Variants in SIX4 observed in about 807,000 individuals in gnomAD.
The protein encoded by SIX4 is homeobox protein SIX4.
A neutral mutation model predicts 51.5 loss-of-function variants in SIX4; 23 were observed. That is an observed-to-expected ratio of 0.45 (90% CI 0.32 to 0.63). SIX4 has a LOEUF of 0.63. Among genes scored for constraint, SIX4 ranks in the 30% least tolerant of loss-of-function variants. The probability of loss-of-function intolerance (pLI) is 0.04; values close to 1 mark genes in which losing one functional copy is unlikely to be tolerated. For missense variants in SIX4, 867 were observed against 984.0 expected (o/e 0.88, Z 1.59); for synonymous variants, 413 against 417.3 (o/e 0.99, Z 0.13).
chr14:60,714,908 C>T (rs926184514), intron 2 of SIX4, among the ~76,000 whole-genome samples: 1 of 151,304 alleles, frequency 6.6e-6, no homozygotes, highest in Non-Finnish European at 1.5e-5. Context: ...TTGTGATCCA[C>T]CCACCTCGGC....
In SIX4 at chr14:60,719,506, G is replaced by T. The variant is rs77242896; in HGVS notation, c.1549+254C>A. 8.4e-3 allele frequency among the ~76,000 whole-genome samples: 1,279 copies of T among 152,288 alleles called. 5 individuals are homozygous for T. Among genetic ancestry groups the T allele is most frequent in the Non-Finnish European group, 0.014 (920 of 68,024 alleles). ...TGTAATTGTAGAACTGGCAGGACTT[G>T]CTATGAACTGTATTTTTCCATTCAG... On this transcript the variant is annotated intron_variant, in intron 2 of 2. Coordinates refer to ENST00000216513, the MANE Select transcript of SIX4 (RefSeq NM_017420.5). The surrounding 1 kb of genome is among the most constrained non-coding windows in gnomAD (Gnocchi z 4.9).
Position 60,711,191 on chromosome 14 carries a change from G to GA in SIX4, c.*2215dup, listed in dbSNP as rs932094292. The GA allele has an allele frequency of 6.6e-6, 1 of 152,134 alleles. No individual in the cohort carries two copies. Among genetic ancestry groups the GA allele is most frequent in the African/African-American group, 2.4e-5 (1 of 41,340 alleles). The allele number at this position is 152,134 out of a possible 1,614,324, so 9.4% of individuals were successfully genotyped here. A position where few individuals can be genotyped will look rare whatever the true frequency, so the allele number is the denominator to read the frequency against. The stretch of plus-strand genomic sequence containing the variant: ...GTAACAGGATCAGCACACACCCAAA[G>GA]AAAAAACAAGCTCTATGAGTAGTAG... On this transcript the variant is annotated 3_prime_UTR_variant, in exon 3 of 3. Transcript: ENST00000216513.
rs1895941043 is a variant in SIX4, at chr14:60,717,629, C to A, written c.1549+2131G>T. The stretch of plus-strand genomic sequence containing the variant: ...TTTGATCTAAAATTTGATTTTTGAG[C>A]ATAACTACAACTGAAGTAAAAATTG... On this transcript the variant is annotated intron_variant, in intron 2 of 2. Transcript: ENST00000216513. This position sits in a 1 kb window ranked among gnomAD's most constrained non-coding sequence, Gnocchi z 4.6. Among the ~76,000 whole-genome samples, 1 of 151,314 alleles carries A rather than the reference C, an allele frequency of 6.6e-6. No individual in the cohort carries two copies. The highest frequency in any genetic ancestry group is 1.5e-5 in the Non-Finnish European group (1 of 67,458).
Position 60,723,652 on chromosome 14 carries a change from C to G in SIX4, c.423G>C (p.Leu141=). The G allele has an allele frequency of 5.0e-6, 8 of 1,594,132 alleles. No homozygotes were observed. Among genetic ancestry groups the G allele is most frequent in the Non-Finnish European group, 6.8e-6 (8 of 1,171,386 alleles). Reference sequence around the variant, plus strand: ...TCAGCAGGCTCTCGTTGCCACGTAGCAGGTCGCTCTGGGGCAGGGACCACA... The same window carrying G: ...TCAGCAGGCTCTCGTTGCCACGTAGGAGGTCGCTCTGGGGCAGGGACCACA... ...RFLWSLPQSD[L]LRGNESLLKA... The change falls in exon 1 of 3, where the codon CTG becomes CTC. Residue 141 remains leucine (L), a synonymous_variant. Transcript: ENST00000216513.
Position 60,719,898 on chromosome 14 carries a change from T to A in SIX4, c.1411A>T (p.Thr471Ser). The change falls in exon 2 of 3, where the codon ACT becomes TCT. Residue 471 changes from threonine (T) to serine (S), a missense_variant. Coordinates refer to ENST00000216513, the MANE Select transcript of SIX4 (RefSeq NM_017420.5). The surrounding 1 kb of genome is among the most constrained non-coding windows in gnomAD (Gnocchi z 4.9). ...VASQDGGSVV[T>S]FTTPVQINQY... ...TTAATTTGCACTGGTGTAGTAAAAG[T>A]CACTACAGACCCTCCATCTTGGGAA... 6.2e-7 allele frequency: 1 copy of A among 1,614,154 alleles called. No homozygotes were observed. The highest frequency in any genetic ancestry group is 8.5e-7 in the Non-Finnish European group (1 of 1,180,028).
In SIX4 at chr14:60,713,341, G is replaced by GT; in HGVS notation, c.*65dup. The GT allele has an allele frequency of 6.7e-7, 1 of 1,488,322 alleles. No homozygotes were observed. Among genetic ancestry groups the GT allele is most frequent in the Non-Finnish European group, 9.0e-7 (1 of 1,111,560 alleles). The allele number at this position is 1,488,322 out of a possible 1,614,324, so 92.2% of individuals were successfully genotyped here. ...TTTCCTTTAAATGGGAAAATGTTTT[G>GT]TGTCCTTGGGGCTTCATGAAAAGAT... is the stretch of plus-strand genomic sequence containing the variant. On this transcript the variant is annotated 3_prime_UTR_variant, in exon 3 of 3. Coordinates refer to ENST00000216513, the MANE Select transcript of SIX4 (RefSeq NM_017420.5).
In SIX4 at chr14:60,720,371, G is replaced by C. The variant is rs767537596; in HGVS notation, c.938C>G (p.Ser313Cys). 2 of 1,614,212 alleles carry C rather than the reference G, an allele frequency of 1.2e-6. No individual in the cohort carries two copies. The highest frequency in any genetic ancestry group is 1.7e-6 in the Non-Finnish European group (2 of 1,180,040). The change falls in exon 2 of 3, where the codon TCC (serine) becomes TGC (cysteine). Residue 313 changes from serine (S) to cysteine (C), a missense_variant. Physicochemically the swap from Ser to Cys is moderately radical, Grantham distance 112. Transcript: ENST00000216513. The surrounding 1 kb of genome is among the most constrained non-coding windows in gnomAD (Gnocchi z 5.5). ...GTTGGTGATGCCATCAGATGAACTGGAGAGTGGGTGAGGAGATAAATCCTC... is the reference window on the plus strand; with the variant it reads ...GTTGGTGATGCCATCAGATGAACTGCAGAGTGGGTGAGGAGATAAATCCTC... The part of the protein sequence containing the change: ...GHEDLSPHPL[S>C]SSSDGITNLS...
In SIX4 at chr14:60,714,268, C is replaced by T. The variant is rs1340644069; in HGVS notation, c.1550-65G>A. On this transcript the variant is annotated intron_variant, in intron 2 of 2. Transcript: ENST00000216513. ...AGAGGGAAAGAAAAAAAGTTACACA[C>T]ACGTTTTTTTCTCAGGTACAGTATC... The T allele has an allele frequency of 1.1e-5, 16 of 1,404,330 alleles. No homozygotes were observed. The South Asian group carries it at 2.2e-4, about 19-fold the overall frequency. The allele number at this position is 1,404,330 out of a possible 1,614,324, so 87.0% of individuals were successfully genotyped here.
rs1370785578 is a variant in SIX4, at chr14:60,713,755, G to A, written c.1998C>T (p.Asn666=). 3 of 1,614,238 alleles carry A rather than the reference G, an allele frequency of 1.9e-6. No individual in the cohort carries two copies. The Admixed American group carries it at 5.0e-5, about 27-fold the overall frequency. The part of the protein sequence containing the change: ...VSNTNYATLQ[N]CSLITGQDLL... ...GGTCTTGACCAGTAATAAGGGAGCA[G>A]TTCTGAAGAGTTGCATAGTTAGTGT... is the stretch of plus-strand genomic sequence containing the variant. Residue 666 remains asparagine (N), a synonymous_variant, in exon 3 of 3, where the codon AAC becomes AAT. Coordinates refer to ENST00000216513, the MANE Select transcript of SIX4 (RefSeq NM_017420.5).
At position 60,720,509 on chromosome 14, in the gene SIX4, C is replaced by G; in HGVS notation, c.864-64G>C. 1 of 1,480,694 alleles carries G rather than the reference C, an allele frequency of 6.8e-7. No homozygotes were observed. The highest frequency in any genetic ancestry group is 9.1e-7 in the Non-Finnish European group (1 of 1,097,576). The allele number at this position is 1,480,694 out of a possible 1,614,324, so 91.7% of individuals were successfully genotyped here. On this transcript the variant is annotated intron_variant, in intron 1 of 2. Transcript: ENST00000216513. The surrounding 1 kb of genome is among the most constrained non-coding windows in gnomAD (Gnocchi z 5.5). ...GGGGATGACATTCTACACAGTGCCA[C>G]TTGTTTGGAAAACCAGCTTCTAAAT...
Position 60,723,235 on chromosome 14 carries a change from G to C in SIX4, c.840C>G (p.Asn280Lys). Reference sequence around the variant, plus strand: ...ACCTTTTGGACTGGGTCTCGGAGGGGTTCCTGTCGCGCTGCCGGCGGTTCT... The same window carrying C: ...ACCTTTTGGACTGGGTCTCGGAGGGCTTCCTGTCGCGCTGCCGGCGGTTCT... ...WFKNRRQRDR[N>K]PSETQSKSES... The change falls in exon 1 of 3, where the codon AAC (asparagine) becomes AAG (lysine). Residue 280 changes from asparagine to lysine, a missense_variant. Physicochemically the swap from Asn to Lys is moderately conservative, Grantham distance 94. Coordinates refer to ENST00000216513, the MANE Select transcript of SIX4 (RefSeq NM_017420.5). 1 of 1,612,794 alleles carries C rather than the reference G, an allele frequency of 6.2e-7. No homozygotes were observed. Among genetic ancestry groups the C allele is most frequent in the East Asian group, 2.2e-5 (1 of 44,798 alleles).
At chr14:60,723,102 C>T (rs1896059045) in intron 1 of SIX4, 110 bp downstream of exon 1, 3 of 1,425,170 alleles carry the variant, frequency 2.1e-6, no homozygotes, top group Non-Finnish European at 2.7e-6. Flanking sequence ...GGCAGCCGGA[C>T]CAGGCTGGTG....
In SIX4 at chr14:60,720,259, C is replaced by T; in HGVS notation, c.1050G>A (p.Leu350=). The change falls in exon 2 of 3, where the codon TTG becomes TTA. Residue 350 remains leucine (L), a synonymous_variant. Coordinates refer to ENST00000216513, the MANE Select transcript of SIX4 (RefSeq NM_017420.5). The surrounding 1 kb of genome is among the most constrained non-coding windows in gnomAD (Gnocchi z 5.5). ...KISLSSSGVL[L]NGSLVPASTS... ...TACTTGCAGGTACCAAGCTTCCATT[C>T]AACAGAACTCCAGAAGAGCTTAATG... 1 of 1,614,198 alleles carries T rather than the reference C, an allele frequency of 6.2e-7. No individual in the cohort carries two copies. The highest frequency in any genetic ancestry group is 8.5e-7 in the Non-Finnish European group (1 of 1,180,032).
At position 60,722,654 on chromosome 14, in the gene SIX4, C is replaced by T. The variant is rs898426662; in HGVS notation, c.863+558G>A. Among the ~76,000 whole-genome samples, 28 of 152,106 alleles carry T rather than the reference C, an allele frequency of 1.8e-4. No individual in the cohort carries two copies. The highest frequency in any genetic ancestry group is 6.5e-4 in the African/African-American group (27 of 41,434). On this transcript the variant is annotated intron_variant, in intron 1 of 2. Transcript: ENST00000216513. The surrounding 1 kb of genome is among the most constrained non-coding windows in gnomAD (Gnocchi z 5.9). ...GACCCCTTCTGCGCCGCCAGTCCCA[C>T]AACACTCTCTTCCCTTCACCAGAGC...
At position 60,713,975 on chromosome 14, in the gene SIX4, T is replaced by A. The variant is rs77115877; in HGVS notation, c.1778A>T (p.Asn593Ile). Residue 593 changes from asparagine to isoleucine, a missense_variant, in exon 3 of 3, where the codon AAC (asparagine) becomes ATC (isoleucine). Coordinates refer to ENST00000216513, the MANE Select transcript of SIX4 (RefSeq NM_017420.5). ...PVNQNAQVNA[N>I]LSSENISGSG... ...CCCCGAGATGTTTTCAGAAGACAGG[T>A]TTGCATTTACTTGTGCATTCTGATT... 1,439 of 1,614,008 alleles carry A rather than the reference T, an allele frequency of 8.9e-4. 23 individuals carry two copies. The East Asian group carries it at 0.025, about 28-fold the overall frequency.
chr14:60,715,938 T>C (rs147232160), intron 2 of SIX4, among the ~76,000 whole-genome samples: 16 of 151,918 alleles, frequency 1.1e-4, no homozygotes, highest in African/African-American at 3.6e-4. Context: ...AGTGGCACGA[T>C]TTCTGCTCAC....
chr14:60,719,697 G>A lies in SIX4; in HGVS notation c.1549+63C>T, dbSNP rs545382025. The A allele has an allele frequency of 4.8e-5, 72 of 1,512,468 alleles. No individual in the cohort carries two copies. The African/African-American group carries it at 5.5e-4, about 12-fold the overall frequency. 93.7% of individuals were successfully genotyped at this position (1,512,468 alleles called of 1,614,324 possible). A position where few individuals can be genotyped will look rare whatever the true frequency, so the allele number is the denominator to read the frequency against. On this transcript the variant is annotated intron_variant, in intron 2 of 2. Transcript: ENST00000216513. The surrounding 1 kb of genome is among the most constrained non-coding windows in gnomAD (Gnocchi z 4.9). ...TCAATCTATAGCTATCACCAAATGC[G>A]TCACTTACAGCAGCTGATGAACACA...
rs1317896382 is a variant in SIX4, at chr14:60,723,920, G to A, written c.155C>T (p.Pro52Leu). ...GGTCGCGGCGTCCCCCGGCTCCAGGGGAAAAGGGGCTGGAGCCGGGGGGCT... is the reference window on the plus strand; with the variant it reads ...GGTCGCGGCGTCCCCCGGCTCCAGGAGAAAAGGGGCTGGAGCCGGGGGGCT... ...GLSPPAPAPF[P>L]LEPGDAATAA... Residue 52 changes from proline to leucine, a missense_variant, in exon 1 of 3, where the codon CCC becomes CTC. Pro to Leu is a moderately conservative substitution (Grantham distance 98). Transcript: ENST00000216513. 14 of 1,516,008 alleles carry A rather than the reference G, an allele frequency of 9.2e-6. No individual in the cohort carries two copies. The South Asian group carries it at 1.6e-4, about 17-fold the overall frequency. The allele number at this position is 1,516,008 out of a possible 1,614,324, so 93.9% of individuals were successfully genotyped here. A position where few individuals can be genotyped will look rare whatever the true frequency, so the allele number is the denominator to read the frequency against.
chr14:60,721,823 C>T (rs1896025583), intron 1 of SIX4, among the ~76,000 whole-genome samples: 1 of 152,256 alleles, frequency 6.6e-6, no homozygotes, highest in African/African-American at 2.4e-5. Context: ...GGGCGCAGGG[C>T]AGGTGGCTCG....
Sources: gnomAD v4.1 joint callset for allele counts (sites outside exome capture counted in the v4.1 genomes callset) on GRCh38, gnomAD v4.1.1 for gene constraint, Gnocchi (gnomAD v3.1) non-coding constraint, MANE v1.5 for transcripts, NCBI Gene and HGNC (gene_info 2026-07-23, HGNC 2026-07-21) for gene names.